Variants in SATB2 observed in about 807,000 individuals in gnomAD.
The protein encoded by SATB2 is DNA-binding protein SATB2.
In SATB2, 1 loss-of-function variant was observed where a neutral mutation model predicts 73.4. The observed-to-expected ratio is 0.01, with a 90% CI of 0.00 to 0.06. SATB2 has a LOEUF of 0.06. Among genes scored for constraint, SATB2 ranks in the 10% least tolerant of loss-of-function variants. The pLI, the probability that SATB2 is intolerant of heterozygous loss-of-function variation, is 1.00. For missense variants in SATB2, 459 were observed against 945.8 expected (o/e 0.49, Z 6.75); for synonymous variants, 397 against 367.0 (o/e 1.08, Z -0.93).
chr2:199,284,198 C>T (rs1005567664), intron 10 of SATB2, among the ~76,000 whole-genome samples: 3 of 152,138 alleles, frequency 2.0e-5, no homozygotes, highest in African/African-American at 7.2e-5. Context: ...GGTGATTTAA[C>T]AAATATGTTT....
intron 10 of SATB2, among the ~76,000 whole-genome samples, chr2:199,291,925 T>C (rs972516405): frequency 6.0e-5 from 9 of 150,840 alleles, no homozygotes; most frequent in Non-Finnish European, 1.0e-4. Flanking sequence ...AAAAAATAAA[T>C]AAAAATAAAA....
At chr2:199,416,275 T>C (rs1247300058) in intron 3 of SATB2, among the ~76,000 whole-genome samples, 2 of 152,210 alleles carry the variant, frequency 1.3e-5, no homozygotes, top group Non-Finnish European at 2.9e-5. Flanking sequence ...TATGTACAAA[T>C]CTATGAATGG....
chr2:199,335,389 CT>C (rs1688309050), intron 7 of SATB2, among the ~76,000 whole-genome samples: 1 of 152,092 alleles, frequency 6.6e-6, no homozygotes, highest in Non-Finnish European at 1.5e-5. Flanking sequence ...CACTAAAAGA[CT>C]AGGTATACAT....
At chr2:199,386,702 GCGCGCGCGCGCGCGCA>G (rs1689954735) in intron 3 of SATB2, among the ~76,000 whole-genome samples, 2 of 17,108 alleles carry the variant, frequency 1.2e-4, no homozygotes, top group African/African-American at 1.1e-3. Context: ...GCAAGCGCGC[GCGCGCGCGCGCGCGCA>G]CACACACACA....
At chr2:199,413,299 T>G (rs1487934169) in intron 3 of SATB2, among the ~76,000 whole-genome samples, 1 of 152,208 alleles carries the variant, frequency 6.6e-6, no homozygotes, top group African/African-American at 2.4e-5. Context: ...TTCAAAGAAG[T>G]AGCTTCTCTC....
chr2:199,360,705 G>C (rs2105839980), intron 6 of SATB2, among the ~76,000 whole-genome samples: 1 of 152,132 alleles, frequency 6.6e-6, no homozygotes. Context: ...CAAAACTGCT[G>C]GCTCCATCCT....
rs1239349584 is a variant in SATB2 at position 199,345,855 on chromosome 2, T to C, written c.1173+2846A>G. Among the ~76,000 whole-genome samples, 2 of 152,208 alleles carry C rather than the reference T, an allele frequency of 1.3e-5. 1 individual carries two copies. Among genetic ancestry groups the C allele is most frequent in the Non-Finnish European group, 2.9e-5 (2 of 68,038 alleles). On this transcript the variant is annotated intron_variant, in intron 7 of 10. Transcript: ENST00000417098. ...AAGACCTATGACGGTTTCCAGTGCC[T>C]GTTAAAGTTCAGAGCTCTTGTCTTG...
At chr2:199,314,358 G>C (rs1687673422) in intron 9 of SATB2, among the ~76,000 whole-genome samples, 1 of 151,332 alleles carries the variant, frequency 6.6e-6, no homozygotes, top group South Asian at 2.1e-4. Flanking sequence ...TATTGTTTGA[G>C]AGAAGCACCA....
In SATB2 at chr2:199,454,451, G is replaced by A. The variant is rs2105955242; in HGVS notation, c.169+1418C>T. Among the ~76,000 whole-genome samples, 3 of 152,162 alleles carry A rather than the reference G, an allele frequency of 2.0e-5. No homozygotes were observed. In the Middle Eastern group the frequency reaches 0.01, roughly 518 times the overall value. ...TTATATGCATATACTAACTGATTAT[G>A]CCAAAAGTCTGACATTATTTGCTCC... is the stretch of plus-strand genomic sequence containing the variant. On this transcript the variant is annotated intron_variant, in intron 2 of 10. Transcript: ENST00000417098.
chr2:199,397,985 G>C (rs1320196386), intron 3 of SATB2: 1 of 224,790 alleles, frequency 4.4e-6, no homozygotes, highest in East Asian at 1.7e-4. Context: ...TATATTTTAA[G>C]TACATTTCAT....
upstream of SATB2, chr2:199,459,513 T>A (rs1044456382): frequency 6.6e-6 from 1 of 152,150 alleles, no homozygotes; most frequent in African/African-American, 2.4e-5. The surrounding 1 kb of genome is among the most constrained non-coding windows in gnomAD (Gnocchi z 4.2). Flanking sequence ...TCGGCGGACA[T>A]TAGCCGCTAG....
chr2:199,354,044 C>A (rs774516379), intron 6 of SATB2, among the ~76,000 whole-genome samples: 1 of 152,154 alleles, frequency 6.6e-6, no homozygotes, highest in Admixed American at 6.6e-5. Flanking sequence ...AACACGCTTA[C>A]TTATTAAAGA....
chr2:199,395,466 G>A (rs1690271622), intron 3 of SATB2, among the ~76,000 whole-genome samples: 1 of 152,070 alleles, frequency 6.6e-6, no homozygotes, highest in Non-Finnish European at 1.5e-5. Context: ...TTCTTTATCA[G>A]TTTGTGGTTC....
chr2:199,416,432 C>A (rs1690988430), intron 3 of SATB2, among the ~76,000 whole-genome samples: 1 of 152,090 alleles, frequency 6.6e-6, no homozygotes, highest in South Asian at 2.1e-4. Context: ...AAAATAAACA[C>A]ACACCAAAAA....
intron 10 of SATB2, among the ~76,000 whole-genome samples, chr2:199,273,466 G>A (rs1390428272): frequency 6.6e-6 from 1 of 152,172 alleles, no homozygotes; most frequent in Non-Finnish European, 1.5e-5. Context: ...CAGTGTTATA[G>A]AGGAATAATT....
At chr2:199,437,694 A>C (rs1465970607) in intron 2 of SATB2, among the ~76,000 whole-genome samples, 1 of 152,226 alleles carries the variant, frequency 6.6e-6, no homozygotes, top group African/African-American at 2.4e-5. Flanking sequence ...TGTGAAGATT[A>C]AACAATTTTA....
intron 9 of SATB2, among the ~76,000 whole-genome samples, chr2:199,321,716 T>G (rs1037228962): frequency 6.6e-6 from 1 of 152,084 alleles, no homozygotes; most frequent in African/African-American, 2.4e-5. Flanking sequence ...GAATATCTTT[T>G]GTTAAATTGC....
chr2:199,392,237 A>T (rs888662214), intron 3 of SATB2, among the ~76,000 whole-genome samples: 1 of 152,150 alleles, frequency 6.6e-6, no homozygotes, highest in Admixed American at 6.5e-5. Context: ...AGAAAAATCA[A>T]AATTCCCAGA....
chr2:199,325,879 A>G (rs1688015382), intron 8 of SATB2: 1 of 152,192 alleles, frequency 6.6e-6, no homozygotes, highest in African/African-American at 2.4e-5. Flanking sequence ...GATCATTCTT[A>G]TCTTAGTATT....
Sources: allele counts gnomAD v4.1 joint callset (sites outside exome capture counted in the v4.1 genomes callset), GRCh38; gene constraint gnomAD v4.1.1; non-coding constraint Gnocchi (gnomAD v3.1); transcripts MANE v1.5; gene names NCBI Gene and HGNC (gene_info 2026-07-23, HGNC 2026-07-21).